Variants in SYNPR observed in about 807,000 individuals in gnomAD.
SYNPR encodes synaptoporin.
Under a neutral mutation model 32.9 loss-of-function variants are expected in SYNPR, and 23 were observed. That is an observed-to-expected ratio of 0.70 (90% CI 0.50 to 0.99). The LOEUF (loss-of-function observed/expected upper bound fraction) is 0.99. Among genes scored for constraint, SYNPR ranks in the 50% least tolerant of loss-of-function variants. The pLI is 0.00. For missense variants in SYNPR, 318 were observed against 349.3 expected, an observed-to-expected ratio of 0.91 and a Z score of 0.71; for synonymous variants, 146 against 135.9, an observed-to-expected ratio of 1.07 and a Z score of -0.52.
intron 5 of SYNPR, among the ~76,000 whole-genome samples, chr3:63,613,834 A>C (rs1433849788): frequency 1.3e-5 from 2 of 152,134 alleles, no homozygotes; most frequent in African/African-American, 4.8e-5. Context: ...AACAAAAATG[A>C]AGTCTACAGA....
At chr3:63,280,433 T>C (rs2086617699) in intron 2 of SYNPR, among the ~76,000 whole-genome samples, 1 of 151,820 alleles carries the variant, frequency 6.6e-6, no homozygotes, top group African/African-American at 2.4e-5. Flanking sequence ...ACCAGATCCC[T>C]CCAAAACTCA....
At chr3:63,487,278 C>T (rs1243244889) in intron 3 of SYNPR, among the ~76,000 whole-genome samples, 1 of 152,126 alleles carries the variant, frequency 6.6e-6, no homozygotes, top group Non-Finnish European at 1.5e-5. Flanking sequence ...ATCTTCCACT[C>T]AGCTACTTAT....
intron 2 of SYNPR, among the ~76,000 whole-genome samples, chr3:63,461,272 C>G (rs1362066172): frequency 6.6e-6 from 1 of 152,066 alleles, no homozygotes; most frequent in Non-Finnish European, 1.5e-5. Flanking sequence ...GAAATGAGAA[C>G]ATTATAATAA....
At chr3:63,527,894 A>G (rs1489050378) in intron 3 of SYNPR, among the ~76,000 whole-genome samples, 1 of 152,174 alleles carries the variant, frequency 6.6e-6, no homozygotes, top group African/African-American at 2.4e-5. Context: ...CAGAGTTAAC[A>G]TTCTACTTAA....
At chr3:63,534,977 A>G (rs1166457967) in intron 3 of SYNPR, among the ~76,000 whole-genome samples, 1 of 152,142 alleles carries the variant, frequency 6.6e-6, no homozygotes, top group African/African-American at 2.4e-5. Flanking sequence ...ATCAAATTAC[A>G]ATATGAAAGT....
chr3:63,476,151 G>GA (rs1559510422), intron 2 of SYNPR, among the ~76,000 whole-genome samples: 23 of 29,616 alleles, frequency 7.8e-4, no homozygotes, highest in African/African-American at 3.4e-3. Flanking sequence ...GGAAGGAAGG[G>GA]AGGGAGGGAG....
intron 2 of SYNPR, among the ~76,000 whole-genome samples, chr3:63,308,877 T>C (rs966889244): frequency 6.6e-6 from 1 of 151,894 alleles, no homozygotes; most frequent in Non-Finnish European, 1.5e-5. Flanking sequence ...CATTGAATTA[T>C]AAATTTTCAT....
chr3:63,250,777 C>T (rs564669862), intron 1 of SYNPR, among the ~76,000 whole-genome samples: 9 of 152,256 alleles, frequency 5.9e-5, no homozygotes, highest in Non-Finnish European at 1.3e-4. Context: ...GTAGAGTTCA[C>T]GTTAACCATG....
chr3:63,554,591 A>G (rs1702562726), intron 3 of SYNPR, among the ~76,000 whole-genome samples: 1 of 152,134 alleles, frequency 6.6e-6, no homozygotes, highest in Non-Finnish European at 1.5e-5. Flanking sequence ...TACTAGTACC[A>G]TGCTGTTTTG....
At chr3:63,222,745 G>C in the SYNPR span, among the ~76,000 whole-genome samples, 2 of 152,162 alleles carry the variant, frequency 1.3e-5, no homozygotes, top group Non-Finnish European at 2.9e-5. Flanking sequence ...TCAAACTCCT[G>C]ATCTCAGTTG....
intron 2 of SYNPR, among the ~76,000 whole-genome samples, chr3:63,314,553 T>G (rs943376835): frequency 6.6e-6 from 1 of 152,026 alleles, no homozygotes; most frequent in Non-Finnish European, 1.5e-5. Flanking sequence ...TCATGTCCTT[T>G]GCCCACTTTT....
intron 2 of SYNPR, among the ~76,000 whole-genome samples, chr3:63,451,277 G>C (rs1177015190): frequency 6.6e-6 from 1 of 152,076 alleles, no homozygotes. Context: ...CCATGCCCTC[G>C]ATGAGTGCTT....
intron 3 of SYNPR, among the ~76,000 whole-genome samples, chr3:63,514,746 A>G (rs929234617): frequency 2.6e-5 from 4 of 152,132 alleles, no homozygotes; most frequent in Non-Finnish European, 5.9e-5. Flanking sequence ...AGCATTTTGT[A>G]TTTTAGCTTT....
At chr3:63,585,853 T>C (rs1209298550) in intron 4 of SYNPR, among the ~76,000 whole-genome samples, 1 of 152,104 alleles carries the variant, frequency 6.6e-6, no homozygotes, top group Non-Finnish European at 1.5e-5. Flanking sequence ...GTCAAATATA[T>C]TGCCAAAGGC....
chr3:63,203,068 G>GTGTGTGTGTATATATATATA, the SYNPR span: 19 of 108,568 alleles, frequency 1.8e-4, no homozygotes, highest in Admixed American at 3.5e-4. Context: ...ATATGTATGT[G>GTGTGTGTGTATATATATATA]TATATATATA....
chr3:63,494,405 A>ATACGTATATATATATATACG (rs1701318641), intron 3 of SYNPR, among the ~76,000 whole-genome samples: 11 of 53,232 alleles, frequency 2.1e-4, no homozygotes, highest in African/African-American at 1.1e-3. Context: ...ATATATATAT[A>ATACGTATATATATATATACG]TATATATATA....
At chr3:63,360,340 A>G (rs1468029981) in intron 2 of SYNPR, among the ~76,000 whole-genome samples, 2 of 152,164 alleles carry the variant, frequency 1.3e-5, no homozygotes, top group Non-Finnish European at 2.9e-5. Context: ...ACTGCCAACC[A>G]AGAGCCCTCC....
intron 3 of SYNPR, among the ~76,000 whole-genome samples, chr3:63,497,448 G>A (rs1190415165): frequency 3.3e-5 from 5 of 152,050 alleles, no homozygotes; most frequent in Admixed American, 2.0e-4. Context: ...TTGCTAAAAT[G>A]AGAAGGGACT....
Position 63,324,340 on chromosome 3 carries a change from A to C in SYNPR, c.84+45598A>C, listed in dbSNP as rs75216719. 1.6e-3 allele frequency among the ~76,000 whole-genome samples: 223 copies of C among 143,418 alleles called. 1 individual carries two copies. The highest frequency in any genetic ancestry group is 5.5e-3 in the African/African-American group (218 of 39,628). 94.1% of individuals were successfully genotyped at this position (143,418 alleles called of 152,430 possible). A position where few individuals can be genotyped will look rare whatever the true frequency, so the allele number is the denominator to read the frequency against. ...CCATTACAATGTATGGCTTCTCAAGACTGGGATCAGACAATAAAGAGCCTT... is the reference window on the plus strand; with the variant it reads ...CCATTACAATGTATGGCTTCTCAAGCCTGGGATCAGACAATAAAGAGCCTT... On this transcript the variant is annotated intron_variant, in intron 2 of 5. Coordinates refer to ENST00000478300, the MANE Select transcript of SYNPR (RefSeq NM_001130003.2).
Sources: gnomAD v4.1 joint callset for allele counts (sites outside exome capture counted in the v4.1 genomes callset) on GRCh38, gnomAD v4.1.1 for gene constraint, MANE v1.5 for transcripts, NCBI Gene and HGNC (gene_info 2026-07-23, HGNC 2026-07-21) for gene names.